The following NDNF variants were observed in gnomAD, a reference collection of about 807,000 sequenced individuals.
The protein encoded by NDNF is protein NDNF.
A neutral mutation model predicts 42.0 loss-of-function variants in NDNF; 16 were observed. That is an observed-to-expected ratio of 0.38 (90% CI 0.26 to 0.58). The LOEUF (loss-of-function observed/expected upper bound fraction) is 0.58. Among genes scored for constraint, NDNF ranks in the 20% least tolerant of loss-of-function variants. The pLI, the probability that NDNF is intolerant of heterozygous loss-of-function variation, is 0.67. For missense variants in NDNF, 616 were observed against 666.2 expected, an observed-to-expected ratio of 0.92 and a Z score of 0.83; for synonymous variants, 248 against 251.7, an observed-to-expected ratio of 0.99 and a Z score of 0.14.
chr4:121,056,950 G>A (rs1727306665), intron 1 of NDNF, among the ~76,000 whole-genome samples: 1 of 152,220 alleles, frequency 6.6e-6, no homozygotes, highest in Non-Finnish European at 1.5e-5. Context: ...AGCAAGTGTG[G>A]TGGGATTATG....
chr4:121,036,440 C>G lies in NDNF; in HGVS notation c.1531G>C (p.Glu511Gln). 6.2e-7 allele frequency: 1 copy of G among 1,614,182 alleles called. No individual in the cohort carries two copies. The highest frequency in any genetic ancestry group is 8.5e-7 in the Non-Finnish European group (1 of 1,180,028). Residue 511 changes from glutamate to glutamine, a missense_variant, in exon 4 of 4, where the codon GAA becomes CAA. Transcript: ENST00000379692. ...TGGAAATATTTACAGAGGACCTTTT[C>G]TGACTTCTTCCTTATATCTGGTCCT... ...CLGPDIRKKS[E>Q]KVLCKYFHSQ... is the part of the protein sequence containing the mutation.
intron 1 of NDNF, among the ~76,000 whole-genome samples, chr4:121,069,383 T>A (rs779938175): frequency 1.6e-4 from 24 of 152,220 alleles, no homozygotes; most frequent in Non-Finnish European, 2.5e-4. Flanking sequence ...TTTTGTTACA[T>A]CCTAAGAGAT....
intron 2 of NDNF, among the ~76,000 whole-genome samples, chr4:121,045,149 G>C (rs1030409856): frequency 2.0e-5 from 3 of 152,206 alleles, no homozygotes; most frequent in Non-Finnish European, 2.9e-5. Context: ...TCAGGAGATC[G>C]AGACTATCCC....
At chr4:121,064,005 T>C (rs1021616683) in intron 1 of NDNF, among the ~76,000 whole-genome samples, 3 of 152,230 alleles carry the variant, frequency 2.0e-5, no homozygotes, top group African/African-American at 7.2e-5. Flanking sequence ...ATAGACAGTC[T>C]ACAATTATGG....
chr4:121,037,060 A>G lies in NDNF; in HGVS notation c.911T>C (p.Leu304Pro). 1 of 1,613,974 alleles carries G rather than the reference A, an allele frequency of 6.2e-7. No individual in the cohort carries two copies. The highest frequency in any genetic ancestry group is 8.5e-7 in the Non-Finnish European group (1 of 1,180,014). Residue 304 changes from leucine to proline, a missense_variant, in exon 4 of 4, where the codon CTG becomes CCG. Transcript: ENST00000379692. ...AAAGTAGTACTGCGTGTCGGGTTTC[A>G]GATCAGAGACGGTGAAGATGTTCTT... ...GNKNIFTVSD[L>P]KPDTQYYFDV... is the part of the protein sequence containing the mutation.
At chr4:121,060,572 G>A (rs555358137) in intron 1 of NDNF, among the ~76,000 whole-genome samples, 1 of 152,214 alleles carries the variant, frequency 6.6e-6, no homozygotes, top group South Asian at 2.1e-4. Context: ...CTATTTAGGA[G>A]ACGGTGACAA....
At chr4:121,067,860 C>G (rs1321012229) in intron 1 of NDNF, among the ~76,000 whole-genome samples, 3 of 152,002 alleles carry the variant, frequency 2.0e-5, no homozygotes, top group Admixed American at 2.0e-4. Context: ...TAGTAAAGTA[C>G]CAGAAGGAAG....
rs116301048 is a variant in NDNF at position 121,056,618 on chromosome 4, G to A, written c.-1-10780C>T. 5.6e-3 allele frequency among the ~76,000 whole-genome samples: 857 copies of A among 152,268 alleles called. 6 individuals are homozygous for A. Among genetic ancestry groups the A allele is most frequent in the African/African-American group, 0.011 (447 of 41,558 alleles). Reference sequence around the variant, plus strand: ...ACTATCAATCATTTCATTCAGGCACGACCTTGAATTTCTGCATATTTTCCA... The same window carrying A: ...ACTATCAATCATTTCATTCAGGCACAACCTTGAATTTCTGCATATTTTCCA... On this transcript the variant is annotated intron_variant, in intron 1 of 3. Coordinates refer to ENST00000379692, the MANE Select transcript of NDNF (RefSeq NM_024574.4).
In NDNF at chr4:121,036,671, G is replaced by C; in HGVS notation, c.1300C>G (p.Leu434Val). 1 of 1,614,156 alleles carries C rather than the reference G, an allele frequency of 6.2e-7. No homozygotes were observed. The highest frequency in any genetic ancestry group is 2.2e-5 in the East Asian group (1 of 44,876). The change falls in exon 4 of 4, where the codon CTA (leucine) becomes GTA (valine). Residue 434 changes from leucine (L) to valine (V), a missense_variant. Physicochemically the swap from Leu to Val is conservative, Grantham distance 32 (BLOSUM62 1). Coordinates refer to ENST00000379692, the MANE Select transcript of NDNF (RefSeq NM_024574.4). ...NKKGASMLKILATTRPTKQSF... is the reference protein window; with the variant it reads ...NKKGASMLKIVATTRPTKQSF... ...TGCTTAGTAGGCCTTGTGGTAGCTAGAATTTTCAACATAGATGCTCCTTTC... is the reference window on the plus strand; with the variant it reads ...TGCTTAGTAGGCCTTGTGGTAGCTACAATTTTCAACATAGATGCTCCTTTC...
rs147508531 is a variant in NDNF, at chr4:121,036,410, G to T, written c.1561C>A (p.Gln521Lys). 552 of 1,614,152 alleles carry T rather than the reference G, an allele frequency of 3.4e-4. 7 individuals carry two copies. In the East Asian group the frequency reaches 0.01, roughly 30 times the overall value. ...GTGGTCACTGCTTTCTGCAGGTTTTGACTGTGGAAATATTTACAGAGGACC... is the reference window on the plus strand; with the variant it reads ...GTGGTCACTGCTTTCTGCAGGTTTTTACTGTGGAAATATTTACAGAGGACC... Reference protein sequence around the residue: ...EKVLCKYFHSQNLQKAVTTET... With the variant: ...EKVLCKYFHSKNLQKAVTTET... Residue 521 changes from glutamine to lysine, a missense_variant, in exon 4 of 4, where the codon CAA becomes AAA. Coordinates refer to ENST00000379692, the MANE Select transcript of NDNF (RefSeq NM_024574.4).
intron 1 of NDNF, among the ~76,000 whole-genome samples, chr4:121,052,791 T>C (rs1364286489): frequency 6.6e-6 from 1 of 152,244 alleles, no homozygotes; most frequent in Non-Finnish European, 1.5e-5. Flanking sequence ...AAAGGTGTTT[T>C]ATTTTGTTTT....
intron 1 of NDNF, among the ~76,000 whole-genome samples, chr4:121,046,384 A>C (rs1331704450): frequency 6.6e-6 from 1 of 152,172 alleles, no homozygotes; most frequent in Non-Finnish European, 1.5e-5. Context: ...TCTTCCCTAA[A>C]ATCTGACTAG....
At chr4:121,047,843 T>A (rs1368389188) in intron 1 of NDNF, among the ~76,000 whole-genome samples, 2 of 152,218 alleles carry the variant, frequency 1.3e-5, no homozygotes, top group Non-Finnish European at 2.9e-5. Context: ...GATATCCAGA[T>A]GATTGTCAAG....
At chr4:121,044,431 T>G (rs970625757) in intron 2 of NDNF, among the ~76,000 whole-genome samples, 1 of 152,172 alleles carries the variant, frequency 6.6e-6, no homozygotes, top group East Asian at 1.9e-4. Context: ...TGTGCTAAAC[T>G]TACAAAGGGA....
In NDNF at chr4:121,037,461, A is replaced by G; in HGVS notation, c.510T>C (p.Asp170=). 6.2e-7 allele frequency: 1 copy of G among 1,614,152 alleles called. No individual in the cohort carries two copies. The highest frequency in any genetic ancestry group is 8.5e-7 in the Non-Finnish European group (1 of 1,180,024). Residue 170 remains aspartate, a synonymous_variant, in exon 4 of 4, where the codon GAT becomes GAC. Coordinates refer to ENST00000379692, the MANE Select transcript of NDNF (RefSeq NM_024574.4). ...KVYATTTPES[D]QPYPELPYDP... Reference sequence around the variant, plus strand: ...CATAGGGTAACTCAGGGTATGGCTGATCAGATTCTGGAGTTGTGGTGGCAT... The same window carrying G: ...CATAGGGTAACTCAGGGTATGGCTGGTCAGATTCTGGAGTTGTGGTGGCAT...
At chr4:121,048,454 C>T (rs920740626) in intron 1 of NDNF, among the ~76,000 whole-genome samples, 4 of 152,116 alleles carry the variant, frequency 2.6e-5, no homozygotes, top group African/African-American at 7.2e-5. Context: ...TAGGTCAGCC[C>T]GAGTTGGAAA....
chr4:121,054,465 T>C (rs1727250929), intron 1 of NDNF, among the ~76,000 whole-genome samples: 1 of 152,112 alleles, frequency 6.6e-6, no homozygotes, highest in African/African-American at 2.4e-5. Context: ...CACAAGAAAA[T>C]ACTATTGCTG....
At chr4:121,045,592 T>C (rs1727075887) in intron 2 of NDNF, 58 bp downstream of exon 2, 1 of 1,452,636 alleles carries the variant, frequency 6.9e-7, no homozygotes, top group Non-Finnish European at 9.6e-7. Flanking sequence ...GGTTACTCTC[T>C]TTTTTGGAGG....
intron 1 of NDNF, among the ~76,000 whole-genome samples, chr4:121,050,307 A>G (rs1186890033): frequency 2.0e-5 from 3 of 152,224 alleles, no homozygotes; most frequent in African/African-American, 7.2e-5. Flanking sequence ...ATAAGAACAG[A>G]CTTTTTTTCT....
Sources: gnomAD v4.1 joint callset for allele counts (sites outside exome capture counted in the v4.1 genomes callset) on GRCh38, gnomAD v4.1.1 for gene constraint, MANE v1.5 for transcripts, NCBI Gene and HGNC (gene_info 2026-07-23, HGNC 2026-07-21) for gene names.